BIRC6: variants seen among roughly 807,000 people sequenced by gnomAD.
The protein encoded by BIRC6 is dual E2 ubiquitin-conjugating enzyme/E3 ubiquitin-protein ligase BIRC6.
Under a neutral mutation model 503.3 loss-of-function variants are expected in BIRC6, and 98 were observed. The observed-to-expected ratio is 0.19, with a 90% CI of 0.17 to 0.23. The LOEUF (loss-of-function observed/expected upper bound fraction) is 0.23, where lower values mean the gene tolerates loss of function less well. Ranked by LOEUF, BIRC6 falls within the 10% of genes least tolerant of loss-of-function variation. BIRC6 has a pLI of 1.00. For synonymous variants in BIRC6, 2,240 were observed against 2,078.7 expected (o/e 1.08, Z -2.11); for missense variants, 5,360 against 5,806.0 (o/e 0.92, Z 2.50).
At chr2:32,424,469 A>T (rs749482374) in intron 10 of BIRC6, among the ~76,000 whole-genome samples, 1 of 151,464 alleles carries the variant, frequency 6.6e-6, no homozygotes, top group Non-Finnish European at 1.5e-5. Context: ...TTTTGGGTAT[A>T]TACCTAGGAG....
intron 10 of BIRC6, among the ~76,000 whole-genome samples, chr2:32,420,063 T>C (rs2042774455): frequency 6.6e-6 from 1 of 152,242 alleles, no homozygotes; most frequent in Non-Finnish European, 1.5e-5. Flanking sequence ...TTGGTCATAA[T>C]GCATTACCTT....
At chr2:32,428,358 G>C (rs2043752487) in intron 10 of BIRC6, among the ~76,000 whole-genome samples, 1 of 152,192 alleles carries the variant, frequency 6.6e-6, no homozygotes, top group Admixed American at 6.5e-5. Context: ...GCCCCACACA[G>C]AATTGTGACC....
At chr2:32,366,959 G>T (rs970984286) in intron 1 of BIRC6, among the ~76,000 whole-genome samples, 1 of 152,094 alleles carries the variant, frequency 6.6e-6, no homozygotes, top group African/African-American at 2.4e-5. Context: ...CCAGCCTAGG[G>T]GAGAAAGGGG....
At position 32,591,702 on chromosome 2, in the gene BIRC6, T is replaced by C. The variant is rs114372363; in HGVS notation, c.13356-2213T>C. ...GAGTACAGTGGGTTAACTCATTGAT[T>C]ATAGGCTTAGGAAACTATATTTTAT... is the stretch of plus-strand genomic sequence containing the variant. On this transcript the variant is annotated intron_variant, in intron 66 of 73. Coordinates refer to ENST00000421745, the MANE Select transcript of BIRC6 (RefSeq NM_016252.4). Among the ~76,000 whole-genome samples the C allele has an allele frequency of 8.8e-3, 1,348 of 152,346 alleles. 10 individuals carry two copies. The highest frequency in any genetic ancestry group is 0.02 in the Middle Eastern group (6 of 294).
At chr2:32,418,900 A>G (rs933974594) in intron 10 of BIRC6, among the ~76,000 whole-genome samples, 5 of 152,216 alleles carry the variant, frequency 3.3e-5, no homozygotes, top group African/African-American at 1.2e-4. Context: ...GTGAGCTGAG[A>G]TCGCGTCACT....
At chr2:32,439,750 CACT>C in intron 16 of BIRC6, 64 bp downstream of exon 16, 4 of 1,449,744 alleles carry the variant, frequency 2.8e-6, no homozygotes, top group Non-Finnish European at 3.8e-6. Context: ...AGATTTAACA[CACT>C]ATTAGAAGTA....
chr2:32,535,701 A>G (rs1425530740), intron 61 of BIRC6, among the ~76,000 whole-genome samples: 2 of 152,152 alleles, frequency 1.3e-5, no homozygotes, highest in African/African-American at 2.4e-5. Context: ...AATCCAGTCT[A>G]TCACTGTTGG....
At chr2:32,542,523 C>G (rs1267388567) in intron 61 of BIRC6, among the ~76,000 whole-genome samples, 1 of 152,088 alleles carries the variant, frequency 6.6e-6, no homozygotes, top group Non-Finnish European at 1.5e-5. Context: ...GAATATTTTT[C>G]CTTATAGCTT....
At chr2:32,542,135 T>G (rs75893593) in intron 61 of BIRC6, among the ~76,000 whole-genome samples, 9,586 of 151,932 alleles carry the variant, frequency 0.063, 416 homozygotes, top group East Asian at 0.13. Context: ...TATATATATT[T>G]ACACATGTAT....
chr2:32,408,248 G>A (rs11898594), intron 9 of BIRC6, among the ~76,000 whole-genome samples: 2,961 of 152,136 alleles, frequency 0.019, 87 homozygotes, highest in African/African-American at 0.067. Flanking sequence ...GATTACAGGC[G>A]TGAGCCACCG....
rs1164641052 is a variant in BIRC6, at chr2:32,493,644, A to G, written c.8445A>G (p.Leu2815=). 1.9e-6 allele frequency: 3 copies of G among 1,606,900 alleles called. No individual in the cohort carries two copies. Among genetic ancestry groups the G allele is most frequent in the African/African-American group, 1.3e-5 (1 of 74,834 alleles). The change falls in exon 45 of 74, where the codon CTA becomes CTG. Residue 2815 remains leucine (L), a synonymous_variant. Transcript: ENST00000421745. The stretch of plus-strand genomic sequence containing the variant: ...TATTCAGTGAATTTTTGCTCAAGCT[A>G]ATTCATATACTTTCAACTGAAAGGT... ...PQIFSEFLLK[L]IHILSTERGA... is the part of the protein sequence containing the mutation.
At chr2:32,451,704 A>G (rs1325154686) in intron 22 of BIRC6, among the ~76,000 whole-genome samples, 2 of 152,196 alleles carry the variant, frequency 1.3e-5, no homozygotes, top group Admixed American at 6.5e-5. Flanking sequence ...TTCTTGGAAT[A>G]CCATTTTTAT....
chr2:32,381,585 A>T (rs2037667195), intron 3 of BIRC6, among the ~76,000 whole-genome samples: 1 of 145,714 alleles, frequency 6.9e-6, no homozygotes, highest in Non-Finnish European at 1.5e-5. Context: ...TCACTCTGTA[A>T]CCTAGGCTGG....
rs1410106691 is a variant in BIRC6, at chr2:32,476,412, C to T, written c.6852+68C>T. 2.6e-5 allele frequency: 38 copies of T among 1,458,354 alleles called. No individual in the cohort carries two copies. The South Asian group carries it at 3.2e-4, about 12-fold the overall frequency. 90.3% of individuals were successfully genotyped at this position (1,458,354 alleles called of 1,614,324 possible). ...AGGAGTTATGATCTTTAATTACGAT[C>T]GAGAAACTTAAATATACATTACTCT... On this transcript the variant is annotated intron_variant, in intron 34 of 73. Transcript: ENST00000421745.
At chr2:32,451,550 T>C (rs2046730244) in intron 22 of BIRC6, among the ~76,000 whole-genome samples, 1 of 152,228 alleles carries the variant, frequency 6.6e-6, no homozygotes, top group Admixed American at 6.5e-5. Flanking sequence ...TTATTAATTT[T>C]ATTAAAATTT....
intron 16 of BIRC6, among the ~76,000 whole-genome samples, chr2:32,439,954 C>A (rs1282398607): frequency 6.6e-6 from 1 of 152,142 alleles, no homozygotes; most frequent in Non-Finnish European, 1.5e-5. Context: ...ACTCGGCTCA[C>A]TGCAACCTCT....
At chr2:32,432,057 A>G (rs184510221) in intron 12 of BIRC6, among the ~76,000 whole-genome samples, 6 of 152,270 alleles carry the variant, frequency 3.9e-5, no homozygotes, top group African/African-American at 1.4e-4. Flanking sequence ...CTAGGAAAAG[A>G]AATATGACCA....
chr2:32,460,996 TG>T (rs1398176002), intron 23 of BIRC6, among the ~76,000 whole-genome samples: 1,499 of 137,988 alleles, frequency 0.011, 16 homozygotes, highest in Non-Finnish European at 0.016. Flanking sequence ...TGCTCTGCTC[TG>T]CTCTCTTCTC....
At chr2:32,500,946 A>G (rs2053117467) in intron 46 of BIRC6, among the ~76,000 whole-genome samples, 1 of 151,864 alleles carries the variant, frequency 6.6e-6, no homozygotes, top group African/African-American at 2.4e-5. Flanking sequence ...CATGTTAGCC[A>G]GGCTGGTCTT....
Sources: allele counts gnomAD v4.1 joint callset (sites outside exome capture counted in the v4.1 genomes callset), GRCh38; gene constraint gnomAD v4.1.1; transcripts MANE v1.5; gene names NCBI Gene and HGNC (gene_info 2026-07-23, HGNC 2026-07-21).